The following EIF1B variants were observed in gnomAD, a reference collection of about 807,000 sequenced individuals.
EIF1B encodes protein translation factor SUI1 homolog GC20.
Under a neutral mutation model 14.8 loss-of-function variants are expected in EIF1B, and 5 were observed. The ratio of observed to expected loss-of-function variants is 0.34; its 90% CI spans 0.18 to 0.71. The LOEUF (loss-of-function observed/expected upper bound fraction) is 0.71. Among genes scored for constraint, EIF1B ranks in the 30% least tolerant of loss-of-function variants. The pLI is 0.64. For synonymous variants in EIF1B, 45 were observed against 45.8 expected (o/e 0.98, Z 0.07); for missense variants, 56 against 134.0 (o/e 0.42, Z 2.87).
Position 40,311,591 on chromosome 3 carries a change from A to G in EIF1B, c.297+20A>G, listed in dbSNP as rs759754040. On this transcript the variant is annotated intron_variant, in intron 3 of 3. Coordinates refer to ENST00000232905, the MANE Select transcript of EIF1B (RefSeq NM_005875.3). Reference sequence around the variant, plus strand: ...TTGGAGGTGAGTGATTGGGTGCTTTATGTGTAACCTTGAGATTGCTTTTAA... The same window carrying G: ...TTGGAGGTGAGTGATTGGGTGCTTTGTGTGTAACCTTGAGATTGCTTTTAA... 1 of 1,570,636 alleles carries G rather than the reference A, an allele frequency of 6.4e-7. No homozygotes were observed. The highest frequency in any genetic ancestry group is 8.8e-7 in the Non-Finnish European group (1 of 1,141,916).
In EIF1B at chr3:40,312,227, T is replaced by C. The variant is rs1954333881; in HGVS notation, c.*213T>C. On this transcript the variant is annotated 3_prime_UTR_variant, in exon 4 of 4. Coordinates refer to ENST00000232905, the MANE Select transcript of EIF1B (RefSeq NM_005875.3). ...AGTAAGATGGTAACAAAACCTCATA[T>C]TGTCTTTACATGTTTCCAATGGAAA... 1 of 524,258 alleles carries C rather than the reference T, an allele frequency of 1.9e-6. No homozygotes were observed. 32.5% of individuals were successfully genotyped at this position (524,258 alleles called of 1,614,324 possible). A position where few individuals can be genotyped will look rare whatever the true frequency, so the allele number is the denominator to read the frequency against.
chr3:40,311,184 TA>T, intron 2 of EIF1B, 128 bp downstream of exon 2: 2 of 887,138 alleles, frequency 2.3e-6, no homozygotes, highest in Non-Finnish European at 3.3e-6. Flanking sequence ...TTTTTGTAAT[TA>T]ACATGTAAAT....
chr3:40,311,634 A>G, intron 3 of EIF1B, 63 bp downstream of exon 3: 1 of 1,319,032 alleles, frequency 7.6e-7, no homozygotes, highest in Non-Finnish European at 1.1e-6. Flanking sequence ...TTTAAAGGCA[A>G]CATGATTTGT....
In EIF1B at chr3:40,309,738, C is replaced by A; in HGVS notation, c.-204C>A. ...CCGCAGCGCCGCCTCTTCTCTCGCG[C>A]CCTCGCCTCTTCCTCCGCCTCCTCC... On this transcript the variant is annotated 5_prime_UTR_variant, in exon 1 of 4. Transcript: ENST00000232905. The A allele has an allele frequency of 1.7e-6, 1 of 596,692 alleles. No homozygotes were observed. The highest frequency in any genetic ancestry group is 1.9e-5 in the African/African-American group (1 of 53,568). The allele number at this position is 596,692 out of a possible 1,614,324, so 37.0% of individuals were successfully genotyped here. A position where few individuals can be genotyped will look rare whatever the true frequency, so the allele number is the denominator to read the frequency against.
Position 40,309,928 on chromosome 3 carries a change from C to T in EIF1B, c.-14C>T, listed in dbSNP as rs893710911. 1 of 1,613,976 alleles carries T rather than the reference C, an allele frequency of 6.2e-7. No homozygotes were observed. The highest frequency in any genetic ancestry group is 8.5e-7 in the Non-Finnish European group (1 of 1,179,944). The stretch of plus-strand genomic sequence containing the variant: ...AGGAATTTTATCCCCTCACCGGCCT[C>T]ACACTAGTATCGCATGTCCACTATC... On this transcript the variant is annotated 5_prime_UTR_variant, in exon 1 of 4. Transcript: ENST00000232905.
chr3:40,310,087 G>T, intron 1 of EIF1B, 115 bp downstream of exon 1: 1 of 1,409,662 alleles, frequency 7.1e-7, no homozygotes, highest in Non-Finnish European at 9.8e-7. Flanking sequence ...CCCCTAGTGG[G>T]GCTTTGTCTC....
chr3:40,310,084 TG>T lies in EIF1B; in HGVS notation c.31+116del, dbSNP rs904861599. ...CTTTCTGCCCTTCCCGCACCCCTAG[TG>T]GGGCTTTGTCTCGGCGCCCAGAAAA... On this transcript the variant is annotated intron_variant, in intron 1 of 3. Transcript: ENST00000232905. The T allele has an allele frequency of 9.1e-4, 1,296 of 1,429,164 alleles. 6 individuals carry two copies. The highest frequency in any genetic ancestry group is 6.2e-3 in the Middle Eastern group (34 of 5,528). 88.5% of individuals were successfully genotyped at this position (1,429,164 alleles called of 1,614,324 possible).
rs774048868 is a variant in EIF1B at position 40,309,990 on chromosome 3, C to T, written c.31+18C>T. On this transcript the variant is annotated intron_variant, in intron 1 of 3. Transcript: ENST00000232905. ...ATCTTTCGGTAAGATCCCGTCGCCG[C>T]CGCCTCCCTCCCTTGCCCGGCGCGC... is the stretch of plus-strand genomic sequence containing the variant. The T allele has an allele frequency of 1.7e-5, 28 of 1,613,670 alleles. No individual in the cohort carries two copies. The East Asian group carries it at 6.0e-4, about 35-fold the overall frequency.
In EIF1B at chr3:40,310,116, A is replaced by T. The variant is rs924668220; in HGVS notation, c.31+144A>T. On this transcript the variant is annotated intron_variant, in intron 1 of 3. Coordinates refer to ENST00000232905, the MANE Select transcript of EIF1B (RefSeq NM_005875.3). ...TTGTCTCGGCGCCCAGAAAATGGCGACGGGGCCCCTGGCGACCCCTTCCCC... is the reference window on the plus strand; with the variant it reads ...TTGTCTCGGCGCCCAGAAAATGGCGTCGGGGCCCCTGGCGACCCCTTCCCC... The T allele has an allele frequency of 3.3e-5, 39 of 1,171,518 alleles. No homozygotes were observed. In the Admixed American group the frequency reaches 3.6e-4, roughly 11 times the overall value. 72.6% of individuals were successfully genotyped at this position (1,171,518 alleles called of 1,614,324 possible). A position where few individuals can be genotyped will look rare whatever the true frequency, so the allele number is the denominator to read the frequency against.
chr3:40,310,783 A>C (rs1954316024), intron 1 of EIF1B, 110 bp from the exon 2 acceptor site: 4 of 1,239,064 alleles, frequency 3.2e-6, no homozygotes, highest in Non-Finnish European at 4.4e-6. Context: ...AAGGCACTAG[A>C]ACCTTCATTG....
rs751708497 is a variant in EIF1B, at chr3:40,311,062, G to A, written c.195+6G>A. ...TTGTGAAAGCTTTCAAAAAGGTAAA[G>A]GGATTAGGAAGAAAGGATTAGAGTT... On this transcript the variant is annotated splice_donor_region_variant and intron_variant, in intron 2 of 3. Transcript: ENST00000232905. 1.2e-6 allele frequency: 2 copies of A among 1,613,308 alleles called. No homozygotes were observed. The highest frequency in any genetic ancestry group is 1.7e-6 in the Non-Finnish European group (2 of 1,179,620).
Position 40,311,571 on chromosome 3 carries a change from GGTGA to G in EIF1B, c.297+5_297+8del, listed in dbSNP as rs1175867368. 6.2e-7 allele frequency: 1 copy of G among 1,611,502 alleles called. No individual in the cohort carries two copies. Among genetic ancestry groups the G allele is most frequent in the Non-Finnish European group, 8.5e-7 (1 of 1,177,940 alleles). On this transcript the variant is annotated splice_donor_variant and splice_donor_region_variant and intron_variant, in intron 3 of 3. Transcript: ENST00000232905. LOFTEE classifies it high-confidence loss of function. ...AAAACATCTGCCAGTTTCTCTTGGAGGTGAGTGATTGGGTGCTTTATGTGTAACC... is the reference window on the plus strand; with the variant it reads ...AAAACATCTGCCAGTTTCTCTTGGAGGTGATTGGGTGCTTTATGTGTAACC...
intron 2 of EIF1B, 89 bp downstream of exon 2, chr3:40,311,145 A>G (rs1446667833): frequency 3.1e-6 from 4 of 1,294,608 alleles, no homozygotes; most frequent in Non-Finnish European, 3.2e-6. Context: ...GCGTGGATGA[A>G]AATAACTAGA....
At chr3:40,311,809 C>A (rs1034599316) in intron 3 of EIF1B, 161 bp from the exon 4 acceptor site, 5 of 694,198 alleles carry the variant, frequency 7.2e-6, no homozygotes, top group Non-Finnish European at 1.2e-5. Context: ...GTAAAGTATT[C>A]AAATACGTGT....
At position 40,311,037 on chromosome 3, in the gene EIF1B, T is replaced by C; in HGVS notation, c.176T>C (p.Leu59Pro). ...GIADDYDKKK[L>P]VKAFKKKFAC... is the part of the protein sequence containing the mutation. Reference sequence around the variant, plus strand: ...GCAGATGATTATGACAAAAAGAAACTTGTGAAAGCTTTCAAAAAGGTAAAG... The same window carrying C: ...GCAGATGATTATGACAAAAAGAAACCTGTGAAAGCTTTCAAAAAGGTAAAG... The change falls in exon 2 of 4, where the codon CTT (leucine) becomes CCT (proline). Residue 59 changes from leucine (L) to proline (P), a missense_variant. Transcript: ENST00000232905. 1 of 1,613,778 alleles carries C rather than the reference T, an allele frequency of 6.2e-7. No individual in the cohort carries two copies. The highest frequency in any genetic ancestry group is 8.5e-7 in the Non-Finnish European group (1 of 1,179,908).
In EIF1B at chr3:40,311,014, A is replaced by G. The variant is rs371724665; in HGVS notation, c.153A>G (p.Ala51=). ...RKTLTTVQGI[A]DDYDKKKLVK... ...CACTGACTACTGTTCAGGGCATTGC[A>G]GATGATTATGACAAAAAGAAACTTG... Residue 51 remains alanine, a synonymous_variant, in exon 2 of 4, where the codon GCA becomes GCG. Coordinates refer to ENST00000232905, the MANE Select transcript of EIF1B (RefSeq NM_005875.3). 3.1e-5 allele frequency: 50 copies of G among 1,613,858 alleles called. No homozygotes were observed. Among genetic ancestry groups the G allele is most frequent in the Admixed American group, 5.0e-5 (3 of 59,954 alleles).
chr3:40,311,712 G>C lies in EIF1B; in HGVS notation c.297+141G>C, dbSNP rs1954328398. ...GAAATAAAGACATGGTAGTTATTTG[G>C]AAAGCAAAGACCTTTATCTGGTTTA... On this transcript the variant is annotated intron_variant, in intron 3 of 3. Transcript: ENST00000232905. 5 of 731,890 alleles carry C rather than the reference G, an allele frequency of 6.8e-6. No individual in the cohort carries two copies. In the South Asian group the frequency reaches 7.4e-5, roughly 11 times the overall value. The allele number at this position is 731,890 out of a possible 1,614,324, so 45.3% of individuals were successfully genotyped here.
chr3:40,311,215 G>T, intron 2 of EIF1B, 159 bp downstream of exon 2: 2 of 706,686 alleles, frequency 2.8e-6, no homozygotes, highest in South Asian at 5.2e-5. Context: ...TTCTCCCAGT[G>T]TGGTCTCTCA....
At chr3:40,311,137 G>A in intron 2 of EIF1B, 81 bp downstream of exon 2, 2 of 1,373,448 alleles carry the variant, frequency 1.5e-6, no homozygotes, top group Non-Finnish European at 2.0e-6. Context: ...TTATATCGGC[G>A]TGGATGAAAA....
Sources: allele counts gnomAD v4.1 joint callset, GRCh38; gene constraint gnomAD v4.1.1; transcripts MANE v1.5; gene names NCBI Gene and HGNC (gene_info 2026-07-23, HGNC 2026-07-21).